BCHE: variants seen among roughly 807,000 people sequenced by gnomAD.
BCHE encodes butyrylcholinesterase.
Under a neutral mutation model 51.3 loss-of-function variants are expected in BCHE, and 48 were observed. The ratio of observed to expected loss-of-function variants is 0.94; its 90% CI spans 0.74 to 1.19. The LOEUF (loss-of-function observed/expected upper bound fraction) is 1.19. Ranked by LOEUF, BCHE falls within the 50% of genes most tolerant of loss-of-function variation. The probability of loss-of-function intolerance (pLI) is 0.00; values close to 1 mark genes in which losing one functional copy is unlikely to be tolerated. For synonymous variants in BCHE, 251 were observed against 238.0 expected (o/e 1.05, Z -0.50); for missense variants, 847 against 708.2 (o/e 1.20, Z -2.23).
intron 3 of BCHE, among the ~76,000 whole-genome samples, chr3:165,779,196 G>A (rs1445122027): frequency 2.0e-5 from 3 of 151,872 alleles, no homozygotes; most frequent in African/African-American, 7.2e-5. Context: ...ATTCTGCAAG[G>A]GAAATGGCCT....
intron 3 of BCHE, among the ~76,000 whole-genome samples, chr3:165,775,539 T>G (rs1410031658): frequency 1.3e-5 from 2 of 151,668 alleles, no homozygotes; most frequent in African/African-American, 4.8e-5. Context: ...AGAAAAAATT[T>G]TTCTTGATAA....
chr3:165,796,179 T>C (rs973660104), intron 2 of BCHE, among the ~76,000 whole-genome samples: 8 of 151,920 alleles, frequency 5.3e-5, no homozygotes, highest in Non-Finnish European at 8.8e-5. Context: ...TTAAGAAAAA[T>C]TAACAGCTGT....
At chr3:165,825,340 A>G (rs1576668660) in intron 2 of BCHE, among the ~76,000 whole-genome samples, 1 of 15,630 alleles carries the variant, frequency 6.4e-5, no homozygotes, top group Non-Finnish European at 2.1e-4. Flanking sequence ...ATGAATGTAA[A>G]TAATATTATG....
chr3:165,805,228 G>T (rs1713826020), intron 2 of BCHE, among the ~76,000 whole-genome samples: 1 of 151,972 alleles, frequency 6.6e-6, no homozygotes, highest in Non-Finnish European at 1.5e-5. Flanking sequence ...ATGGCTCTAT[G>T]GTACACGAAT....
intron 3 of BCHE, among the ~76,000 whole-genome samples, chr3:165,781,827 A>T (rs1712717294): frequency 2.0e-5 from 3 of 152,318 alleles, no homozygotes; most frequent in South Asian, 4.1e-4. Flanking sequence ...AATCTGGCAG[A>T]TTATAAATTT....
rs767469658 is a variant in BCHE, at chr3:165,829,875, G to GA, written c.1158dup (p.Pro387SerfsTer5). 1.4e-5 allele frequency: 22 copies of GA among 1,611,340 alleles called. No individual in the cohort carries two copies. Among genetic ancestry groups the GA allele is most frequent in the Admixed American group, 3.4e-5 (2 of 59,348 alleles). ...TCCTTTCCAAACTCACTCACTCCTG[G>GA]AAAAAATATTTTTAAACCTTCCTGA... On this transcript the variant is annotated frameshift_variant, in exon 2 of 4. Coordinates refer to ENST00000264381, the MANE Select transcript of BCHE (RefSeq NM_000055.4). LOFTEE classifies it high-confidence loss of function.
At chr3:165,802,452 G>A (rs1713690482) in intron 2 of BCHE, among the ~76,000 whole-genome samples, 1 of 152,178 alleles carries the variant, frequency 6.6e-6, no homozygotes, top group South Asian at 2.1e-4. Context: ...GGAGAGAAAA[G>A]AGTAGGACCA....
rs190085012 is a variant in BCHE at position 165,775,725 on chromosome 3, G to T, written c.1685-2219C>A. 4.0e-5 allele frequency among the ~76,000 whole-genome samples: 6 copies of T among 151,806 alleles called. No homozygotes were observed. The East Asian group carries it at 1.2e-3, about 29-fold the overall frequency. ...TCTATACAATTTAGTATTTTGAAAT[G>T]CTTTTTAGTTCACAAATGCTCTATA... is the stretch of plus-strand genomic sequence containing the variant. On this transcript the variant is annotated intron_variant, in intron 3 of 3. Coordinates refer to ENST00000264381, the MANE Select transcript of BCHE (RefSeq NM_000055.4).
intron 3 of BCHE, among the ~76,000 whole-genome samples, chr3:165,780,860 T>TAAA (rs1712669733): frequency 3.9e-5 from 6 of 152,156 alleles, no homozygotes; most frequent in Non-Finnish European, 8.8e-5. Flanking sequence ...TGGCAATGCC[T>TAAA]CAAGGATCTG....
intron 1 of BCHE, among the ~76,000 whole-genome samples, chr3:165,832,407 C>G (rs898745422): frequency 2.6e-5 from 4 of 151,944 alleles, no homozygotes; most frequent in African/African-American, 9.7e-5. Flanking sequence ...ATTCTTCTGC[C>G]TCAGCCTCCC....
Position 165,799,059 on chromosome 3 carries a change from T to C in BCHE, c.1518-12748A>G, listed in dbSNP as rs138583689. On this transcript the variant is annotated intron_variant, in intron 2 of 3. Transcript: ENST00000264381. ...TTCTTTAGTACTTATTCAAAACATA[T>C]CTATATCATCTGACAGATAACTTAG... 3.0e-3 allele frequency among the ~76,000 whole-genome samples: 450 copies of C among 152,286 alleles called. 3 individuals are homozygous for C. The highest frequency in any genetic ancestry group is 0.01 in the African/African-American group (429 of 41,580).
At chr3:165,807,545 TA>T (rs1487922937) in intron 2 of BCHE, among the ~76,000 whole-genome samples, 8 of 151,318 alleles carry the variant, frequency 5.3e-5, no homozygotes, top group African/African-American at 1.9e-4. Flanking sequence ...TTTATTTATT[TA>T]TTTTTATTTA....
chr3:165,808,204 C>T (rs1371130953), intron 2 of BCHE, among the ~76,000 whole-genome samples: 1 of 151,924 alleles, frequency 6.6e-6, no homozygotes, highest in Non-Finnish European at 1.5e-5. Context: ...TCAGGATGGT[C>T]TCGATTTCCT....
chr3:165,802,528 T>C (rs563890050), intron 2 of BCHE, among the ~76,000 whole-genome samples: 47 of 152,126 alleles, frequency 3.1e-4, no homozygotes, highest in Admixed American at 5.9e-4. Flanking sequence ...CTTGTAGTTC[T>C]GAAAATGAGA....
chr3:165,830,461 T>C lies in BCHE; in HGVS notation c.573A>G (p.Pro191=), dbSNP rs139541965. Residue 191 remains proline (P), a synonymous_variant, in exon 2 of 4, where the codon CCA becomes CCG. Transcript: ENST00000264381. ...GTTGATCAAATAAACCCATGTTCCC[T>C]GGAGCCTCAGGATTTCCTGGCAAAG... The part of the protein sequence containing the change: ...FLALPGNPEA[P]GNMGLFDQQL... The C allele has an allele frequency of 2.3e-5, 37 of 1,613,688 alleles. No individual in the cohort carries two copies. Among genetic ancestry groups the C allele is most frequent in the Non-Finnish European group, 3.1e-5 (36 of 1,179,872 alleles).
At chr3:165,823,209 G>C (rs1359837407) in intron 2 of BCHE, among the ~76,000 whole-genome samples, 1 of 152,030 alleles carries the variant, frequency 6.6e-6, no homozygotes, top group East Asian at 1.9e-4. Flanking sequence ...TTTAGTGCTA[G>C]CTCAAAATAA....
rs192844198 is a variant in BCHE at position 165,831,668 on chromosome 3, T to C, written c.-8-627A>G. 4.6e-3 allele frequency among the ~76,000 whole-genome samples: 696 copies of C among 152,286 alleles called. 2 individuals carry two copies. The highest frequency in any genetic ancestry group is 6.2e-3 in the Non-Finnish European group (423 of 68,010). On this transcript the variant is annotated intron_variant, in intron 1 of 3. Coordinates refer to ENST00000264381, the MANE Select transcript of BCHE (RefSeq NM_000055.4). ...TTCACAGAATATTAAGTAACAAATA[T>C]ATGGTAGTCACCATTTATTCTACAA...
intron 3 of BCHE, chr3:165,778,607 CTCT>C (rs746899708): frequency 1.9e-5 from 8 of 424,688 alleles, no homozygotes; most frequent in South Asian, 1.3e-4. Flanking sequence ...CAGGTATCTT[CTCT>C]TCTTAAAAGC....
intron 2 of BCHE, among the ~76,000 whole-genome samples, chr3:165,787,955 A>T (rs1159902476): frequency 5.3e-5 from 8 of 152,004 alleles, no homozygotes; most frequent in Non-Finnish European, 1.0e-4. Flanking sequence ...AAGATAAGTA[A>T]TTCATTCCTT....
Sources: gnomAD v4.1 joint callset for allele counts (sites outside exome capture counted in the v4.1 genomes callset) on GRCh38, gnomAD v4.1.1 for gene constraint, MANE v1.5 for transcripts, NCBI Gene and HGNC (gene_info 2026-07-23, HGNC 2026-07-21) for gene names.